Variants in PDE10A observed in about 807,000 individuals in gnomAD.
PDE10A encodes phosphodiesterase 10A, also known as cAMP and cAMP-inhibited cGMP 3',5'-cyclic phosphodiesterase 10A.
A neutral mutation model predicts 97.7 loss-of-function variants in PDE10A; 39 were observed. That is an observed-to-expected ratio of 0.40 (90% CI 0.31 to 0.52). PDE10A has a LOEUF of 0.52. Among genes scored for constraint, PDE10A ranks in the 20% least tolerant of loss-of-function variants. The pLI is 0.56. For missense variants in PDE10A, 731 were observed against 1,047.8 expected (o/e 0.70, Z 4.17); for synonymous variants, 371 against 376.8 (o/e 0.98, Z 0.18).
intron 2 of PDE10A, among the ~76,000 whole-genome samples, chr6:165,482,749 G>A (rs1779680547): frequency 6.6e-6 from 1 of 152,208 alleles, no homozygotes. Context: ...AGTTCCAGCA[G>A]ACCTGGAGCT....
At chr6:165,955,487 A>T (rs1784108000) in intron 1 of PDE10A, among the ~76,000 whole-genome samples, 1 of 152,142 alleles carries the variant, frequency 6.6e-6, no homozygotes, top group Non-Finnish European at 1.5e-5. Flanking sequence ...AAAGCCTGAC[A>T]TGGGAGCTTA....
intron 18 of PDE10A, among the ~76,000 whole-genome samples, chr6:165,367,970 A>C (rs1783925590): frequency 6.6e-6 from 1 of 152,170 alleles, no homozygotes; most frequent in Non-Finnish European, 1.5e-5. Flanking sequence ...TACATGTGAA[A>C]AATATAAAAA....
chr6:165,643,245 G>A (rs1230949985), intron 1 of PDE10A, among the ~76,000 whole-genome samples: 2 of 104,334 alleles, frequency 1.9e-5, no homozygotes, highest in African/African-American at 9.3e-5. Context: ...GTGGGTGGGT[G>A]GATGGATGGA....
chr6:165,484,402 G>T lies in PDE10A; in HGVS notation c.995-2059C>A, dbSNP rs537216208. Among the ~76,000 whole-genome samples, 16 of 152,342 alleles carry T rather than the reference G, an allele frequency of 1.1e-4. 1 individual carries two copies. In the South Asian group the frequency reaches 3.1e-3, roughly 30 times the overall value. ...ATTCACAACTGCTCTCTGTCACTGC[G>T]TTACTGCCTGAGCTCCGCCTCCTGT... is the stretch of plus-strand genomic sequence containing the variant. On this transcript the variant is annotated intron_variant, in intron 2 of 21. Transcript: ENST00000539869.
intron 1 of PDE10A, among the ~76,000 whole-genome samples, chr6:165,650,048 C>T (rs947855212): frequency 6.6e-6 from 1 of 152,036 alleles, no homozygotes; most frequent in Admixed American, 6.5e-5. Context: ...TAATATTCAT[C>T]GTTTGACATT....
At chr6:165,470,403 G>C (rs899981584) in intron 3 of PDE10A, among the ~76,000 whole-genome samples, 4 of 152,188 alleles carry the variant, frequency 2.6e-5, no homozygotes, top group African/African-American at 9.7e-5. Context: ...ATTGAAAATT[G>C]CTGTAAATCA....
intron 1 of PDE10A, chr6:165,949,076 C>G (rs1363979034): frequency 6.6e-6 from 1 of 152,088 alleles, no homozygotes; most frequent in Non-Finnish European, 1.5e-5. Context: ...CTCTATTTTT[C>G]AAAAAGAAAT....
intron 17 of PDE10A, among the ~76,000 whole-genome samples, chr6:165,384,651 T>G (rs796319315): frequency 1.0e-3 from 52 of 50,254 alleles, no homozygotes; most frequent in African/African-American, 5.9e-3. Context: ...TGTGTGTGTG[T>G]GTGTGTGTGT....
At chr6:165,457,130 C>T (rs1583318836) in intron 3 of PDE10A, among the ~76,000 whole-genome samples, 1 of 152,140 alleles carries the variant, frequency 6.6e-6, no homozygotes, top group Non-Finnish European at 1.5e-5. Context: ...ATAAAGGAAT[C>T]AATTTCTATT....
intron 1 of PDE10A, among the ~76,000 whole-genome samples, chr6:165,811,497 T>A (rs1231418392): frequency 1.3e-5 from 2 of 152,194 alleles, no homozygotes; most frequent in Non-Finnish European, 2.9e-5. Context: ...CCCATTCTGC[T>A]TCTTATGTCC....
intron 1 of PDE10A, among the ~76,000 whole-genome samples, chr6:165,718,006 G>A (rs1220917475): frequency 1.3e-5 from 2 of 152,194 alleles, no homozygotes; most frequent in Admixed American, 1.3e-4. Context: ...TCCCTTATCA[G>A]TTATATGACT....
At chr6:165,380,458 T>C (rs1322852802) in intron 17 of PDE10A, among the ~76,000 whole-genome samples, 2 of 152,220 alleles carry the variant, frequency 1.3e-5, no homozygotes, top group African/African-American at 2.4e-5. Flanking sequence ...CCATATTATT[T>C]GCTCTTAAAG....
chr6:165,831,931 C>T (rs1779931860), intron 1 of PDE10A, among the ~76,000 whole-genome samples: 1 of 152,092 alleles, frequency 6.6e-6, no homozygotes, highest in Admixed American at 6.6e-5. Flanking sequence ...CTCCAGATGT[C>T]CTATTGTTTT....
chr6:165,588,331 C>T (rs575777020), intron 1 of PDE10A, among the ~76,000 whole-genome samples: 5 of 79,854 alleles, frequency 6.3e-5, no homozygotes, highest in African/African-American at 1.0e-4. Flanking sequence ...GCTCTTTTTG[C>T]CCAGGCTGGA....
At chr6:165,663,317 G>C (rs1003989534), upstream of PDE10A, among the ~76,000 whole-genome samples, 1 of 151,902 alleles carries the variant, frequency 6.6e-6, no homozygotes, top group Non-Finnish European at 1.5e-5. Context: ...CGCGGGACTC[G>C]GCCCCTGCGC....
intron 1 of PDE10A, among the ~76,000 whole-genome samples, chr6:165,567,845 C>T (rs1005814497): frequency 6.6e-6 from 1 of 152,010 alleles, no homozygotes; most frequent in African/African-American, 2.4e-5. Flanking sequence ...TATTATGTGT[C>T]CATCTTTCAC....
At chr6:165,788,659 A>T (rs924792918) in intron 1 of PDE10A, among the ~76,000 whole-genome samples, 2 of 151,998 alleles carry the variant, frequency 1.3e-5, no homozygotes, top group Non-Finnish European at 2.9e-5. Context: ...AATTCATCTC[A>T]TTATCCTGTC....
At chr6:165,619,233 A>T (rs796934723) in intron 1 of PDE10A, among the ~76,000 whole-genome samples, 597 of 55,078 alleles carry the variant, frequency 0.011, 20 homozygotes, top group African/African-American at 0.046. Context: ...TGTAGTGTAG[A>T]CTAGTGTGGT....
At chr6:165,500,205 T>C (rs2128294068) in intron 2 of PDE10A, among the ~76,000 whole-genome samples, 2 of 152,124 alleles carry the variant, frequency 1.3e-5, no homozygotes, top group Admixed American at 1.3e-4. Flanking sequence ...GTTTACATTA[T>C]ATATAATAGA....
Sources: allele counts gnomAD v4.1 joint callset (sites outside exome capture counted in the v4.1 genomes callset), GRCh38; gene constraint gnomAD v4.1.1; transcripts MANE v1.5; gene names NCBI Gene and HGNC (gene_info 2026-07-23, HGNC 2026-07-21).